Variants in ZNF790 observed in about 807,000 individuals in gnomAD.
ZNF790 encodes zinc finger protein 790.
A neutral mutation model predicts 12.1 loss-of-function variants in ZNF790; 8 were observed. That is an observed-to-expected ratio of 0.66 (90% CI 0.39 to 1.19). ZNF790 has a LOEUF of 1.19. Among genes scored for constraint, ZNF790 ranks in the 50% most tolerant of loss-of-function variants. ZNF790 has a pLI of 0.01. For missense variants in ZNF790, 707 were observed against 752.2 expected (o/e 0.94, Z 0.70); for synonymous variants, 252 against 244.3 (o/e 1.03, Z -0.29).
chr19:36,833,511 ACATT>A (rs147491106), intron 1 of ZNF790, among the ~76,000 whole-genome samples: 5,586 of 152,288 alleles, frequency 0.037, 329 homozygotes, highest in African/African-American at 0.13. Flanking sequence ...ATAATTTATC[ACATT>A]CATGGGATGA....
In ZNF790 at chr19:36,819,109, T is replaced by TG; in HGVS notation, c.1234dup (p.His412ProfsTer12). 1 of 1,613,566 alleles carries TG rather than the reference T, an allele frequency of 6.2e-7. No individual in the cohort carries two copies. The highest frequency in any genetic ancestry group is 1.1e-5 in the South Asian group (1 of 91,042). ...TTTCCTGCCAGTATGAATTCGCTGATGTCGAGCAAGGTGTGAGCTCCAAAT... is the reference window on the plus strand; with the variant it reads ...TTTCCTGCCAGTATGAATTCGCTGATGGTCGAGCAAGGTGTGAGCTCCAAAT... On this transcript the variant is annotated frameshift_variant, in exon 5 of 5. Transcript: ENST00000356725. LOFTEE classifies it low-confidence loss of function (END_TRUNC).
chr19:36,831,862 A>G (rs777891475), intron 1 of ZNF790, among the ~76,000 whole-genome samples: 3 of 152,202 alleles, frequency 2.0e-5, no homozygotes, highest in Non-Finnish European at 4.4e-5. Flanking sequence ...GGTGAAAATG[A>G]ACCAAAATAG....
At position 36,825,628 on chromosome 19, in the gene ZNF790, ATTCC is replaced by A; in HGVS notation, c.-13_-10del. On this transcript the variant is annotated 5_prime_UTR_variant, in exon 2 of 5. The change abolishes an upstream ATG in the 5' untranslated region. Coordinates refer to ENST00000356725, the MANE Select transcript of ZNF790 (RefSeq NM_206894.4). ...CAACTCACATGGGCCATGACTTAAC[ATTCC>A]AAGTCCACCAGTCCTTCTCTGGATT... 6.2e-7 allele frequency: 1 copy of A among 1,614,124 alleles called. No individual in the cohort carries two copies. The highest frequency in any genetic ancestry group is 1.3e-5 in the African/African-American group (1 of 75,050).
exon 1 of ZNF790, chr19:36,850,278 C>T (rs2072234111): frequency 6.6e-6 from 1 of 152,300 alleles, no homozygotes; most frequent in Non-Finnish European, 1.5e-5. Context: ...GAGGCTTGGA[C>T]TACGTTTCCC....
At chr19:36,847,735 G>A (rs2072193524) in intron 1 of ZNF790, among the ~76,000 whole-genome samples, 1 of 147,250 alleles carries the variant, frequency 6.8e-6, no homozygotes, top group Admixed American at 6.9e-5. Context: ...GGGCGACAAA[G>A]AGAGACTCTG....
In ZNF790 at chr19:36,818,897, A is replaced by C. The variant is rs746973845; in HGVS notation, c.1447T>G (p.Cys483Gly). 6.2e-7 allele frequency: 1 copy of C among 1,610,858 alleles called. No homozygotes were observed. The highest frequency in any genetic ancestry group is 1.3e-5 in the African/African-American group (1 of 74,968). The change falls in exon 5 of 5, where the codon TGT becomes GGT. Residue 483 changes from cysteine to glycine, a missense_variant. Physicochemically the swap from Cys to Gly is radical, Grantham distance 159. Transcript: ENST00000356725. ...GAACCACGAAAAAAGGTCTTTCCAC[A>C]TTCCTTACATTCATAGTTTCTCTCA... The part of the protein sequence containing the change: ...TGERNYECKE[C>G]GKTFFRGSEL...
At chr19:36,848,621 T>C (rs1354806521) in intron 1 of ZNF790, among the ~76,000 whole-genome samples, 2 of 151,534 alleles carry the variant, frequency 1.3e-5, no homozygotes, top group Non-Finnish European at 1.5e-5. Context: ...AATTTTGTTG[T>C]TTTTGTTTTT....
At chr19:36,827,141 C>CACATATATATAT (rs1313807327) in intron 1 of ZNF790, among the ~76,000 whole-genome samples, 17 of 84,438 alleles carry the variant, frequency 2.0e-4, no homozygotes, top group East Asian at 4.9e-4. Flanking sequence ...CACACACACA[C>CACATATATATAT]ATATATATAT....
intron 1 of ZNF790, chr19:36,837,671 C>T (rs547960191): frequency 2.0e-5 from 3 of 152,182 alleles, no homozygotes; most frequent in Admixed American, 6.5e-5. Context: ...TGTTTACTTA[C>T]CCTTGCCTGG....
At chr19:36,820,897 T>G (rs1235607676) in intron 4 of ZNF790, among the ~76,000 whole-genome samples, 1 of 150,402 alleles carries the variant, frequency 6.6e-6, no homozygotes, top group Non-Finnish European at 1.5e-5. Flanking sequence ...CCTGTCTTTT[T>G]TTTTTTTTTT....
rs1292701627 is a variant in ZNF790 at position 36,818,111 on chromosome 19, C to T, written c.*322G>A. The T allele has an allele frequency of 5.8e-6, 1 of 173,388 alleles. No individual in the cohort carries two copies. Among genetic ancestry groups the T allele is most frequent in the Non-Finnish European group, 1.2e-5 (1 of 80,548 alleles). The allele number at this position is 173,388 out of a possible 1,614,324, so 10.7% of individuals were successfully genotyped here. ...GTGCTAGGATAACAGGTGTGAGCCA[C>T]CATGCTTGGCCAAATTATATATAAA... is the stretch of plus-strand genomic sequence containing the variant. On this transcript the variant is annotated 3_prime_UTR_variant, in exon 5 of 5. Transcript: ENST00000356725.
intron 4 of ZNF790, 72 bp from the exon 5 acceptor site, chr19:36,820,186 T>C (rs1318608356): frequency 8.2e-6 from 12 of 1,457,550 alleles, no homozygotes; most frequent in Non-Finnish European, 1.0e-5. Flanking sequence ...AAAATAGATA[T>C]AGAAAATCTT....
At chr19:36,837,697 C>T (rs1481494201) in intron 1 of ZNF790, 1 of 152,180 alleles carries the variant, frequency 6.6e-6, no homozygotes, top group Non-Finnish European at 1.5e-5. Context: ...TCCCCCCTCT[C>T]GTGGCTCATT....
intron 1 of ZNF790, among the ~76,000 whole-genome samples, chr19:36,836,316 C>T (rs964747744): frequency 6.6e-6 from 1 of 152,116 alleles, no homozygotes; most frequent in Non-Finnish European, 1.5e-5. Context: ...GTTTGCTAGC[C>T]TGCAAAATAG....
At chr19:36,843,503 C>G (rs1383389283) in intron 1 of ZNF790, among the ~76,000 whole-genome samples, 1 of 152,148 alleles carries the variant, frequency 6.6e-6, no homozygotes, top group African/African-American at 2.4e-5. Context: ...CAATGAACCT[C>G]CACAACCGTA....
chr19:36,825,211 C>T (rs1328160393), intron 2 of ZNF790, among the ~76,000 whole-genome samples: 1 of 152,202 alleles, frequency 6.6e-6, no homozygotes, highest in Non-Finnish European at 1.5e-5. Flanking sequence ...GAATCCCAAC[C>T]AACACCAACT....
chr19:36,819,408 A>T lies in ZNF790; in HGVS notation c.936T>A (p.Cys312Ter), dbSNP rs1452359695. ...RIHTGEKPYE[C>*]NECRKAFSQR... ...GACTAAAGGCCTTTCTACATTCATT[A>T]CATTCATAGGGTTTTTCACCAGTAT... The change falls in exon 5 of 5, where the codon TGT becomes TGA. Residue 312 changes from cysteine (C) to a stop codon, truncating the protein, a stop_gained. Transcript: ENST00000356725. LOFTEE classifies it low-confidence loss of function (END_TRUNC). The T allele has an allele frequency of 6.8e-6, 11 of 1,611,452 alleles. No individual in the cohort carries two copies. Among genetic ancestry groups the T allele is most frequent in the Non-Finnish European group, 9.3e-6 (11 of 1,178,276 alleles).
At chr19:36,850,408 T>G (rs1600679756), upstream of ZNF790, 1 of 152,218 alleles carries the variant, frequency 6.6e-6, no homozygotes, top group Non-Finnish European at 1.5e-5. Flanking sequence ...CAAGAAGGAC[T>G]TGGTTAAAGA....
At chr19:36,828,682 G>T (rs1036454662) in intron 1 of ZNF790, among the ~76,000 whole-genome samples, 1 of 152,072 alleles carries the variant, frequency 6.6e-6, no homozygotes, top group East Asian at 1.9e-4. Context: ...CCGCTATGTT[G>T]CCCAGGCTGT....
Sources: gnomAD v4.1 joint callset for allele counts (sites outside exome capture counted in the v4.1 genomes callset) on GRCh38, gnomAD v4.1.1 for gene constraint, MANE v1.5 for transcripts, NCBI Gene and HGNC (gene_info 2026-07-23, HGNC 2026-07-21) for gene names.